Variants in PLCH1 observed in about 807,000 individuals in gnomAD.
PLCH1 encodes 1-phosphatidylinositol 4,5-bisphosphate phosphodiesterase eta-1.
A neutral mutation model predicts 126.7 loss-of-function variants in PLCH1; 60 were observed. That is an observed-to-expected ratio of 0.47 (90% CI 0.38 to 0.59). The LOEUF is 0.59. PLCH1 is among the 20% of genes least tolerant of loss of function. The probability of loss-of-function intolerance (pLI) is 0.00; values close to 1 mark genes in which losing one functional copy is unlikely to be tolerated. For missense variants in PLCH1, 1,723 were observed against 2,040.0 expected (o/e 0.84, Z 2.99); for synonymous variants, 719 against 734.9 (o/e 0.98, Z 0.35).
chr3:155,585,970 G>C, intron 5 of PLCH1, 95 bp downstream of exon 5: 1 of 1,034,316 alleles, frequency 9.7e-7, no homozygotes, highest in Non-Finnish European at 1.5e-6. Context: ...ACATATATTA[G>C]CTTCCAACAA....
At chr3:155,567,183 G>T (rs1444275195) in intron 7 of PLCH1, among the ~76,000 whole-genome samples, 1 of 151,974 alleles carries the variant, frequency 6.6e-6, no homozygotes, top group Non-Finnish European at 1.5e-5. Context: ...AGGGACTCTC[G>T]TGCCTCAGTT....
chr3:155,744,134 C>A (rs375734978), intron 1 of PLCH1, among the ~76,000 whole-genome samples: 23 of 152,230 alleles, frequency 1.5e-4, no homozygotes, highest in East Asian at 5.8e-4. Context: ...GAGGGCGTCG[C>A]AGACGCTCAA....
chr3:155,677,967 G>T (rs1005141629), intron 2 of PLCH1, among the ~76,000 whole-genome samples: 2 of 152,094 alleles, frequency 1.3e-5, no homozygotes, highest in Non-Finnish European at 2.9e-5. Context: ...TCGTTCCTTT[G>T]TCTGCCCAGA....
At chr3:155,678,242 G>A (rs1029177794) in intron 2 of PLCH1, among the ~76,000 whole-genome samples, 1 of 152,184 alleles carries the variant, frequency 6.6e-6, no homozygotes, top group Non-Finnish European at 1.5e-5. Context: ...GCTCCTCCCT[G>A]AAAAGGCTGA....
At chr3:155,611,338 C>T (rs146026361) in intron 2 of PLCH1, among the ~76,000 whole-genome samples, 403 of 151,914 alleles carry the variant, frequency 2.7e-3, no homozygotes, top group African/African-American at 9.2e-3. Context: ...TGCAGTGAGC[C>T]GAGATCAGGC....
Position 155,488,098 on chromosome 3 carries a change from T to G in PLCH1, c.2549A>C (p.His850Pro). 1 of 1,605,090 alleles carries G rather than the reference T, an allele frequency of 6.2e-7. No homozygotes were observed. The highest frequency in any genetic ancestry group is 8.5e-7 in the Non-Finnish European group (1 of 1,171,672). Residue 850 changes from histidine (H) to proline (P), a missense_variant, in exon 21 of 23, where the codon CAT (histidine) becomes CCT (proline). By Grantham distance (77) the His-to-Pro change is moderately conservative (BLOSUM62 -2). Transcript: ENST00000460012. ...TTCTGTCAGTCCTTCCAAATAGACA[T>G]GCCGGTAGCCTGATAAAAGGAAAGA... The part of the protein sequence containing the change: ...TFSSLVPGYR[H>P]VYLEGLTEAS...
intron 2 of PLCH1, among the ~76,000 whole-genome samples, chr3:155,642,569 T>C (rs1030497255): frequency 2.0e-5 from 3 of 152,198 alleles, no homozygotes; most frequent in Non-Finnish European, 4.4e-5. Flanking sequence ...CCAATGTGTA[T>C]GGGCATCATC....
intron 10 of PLCH1, among the ~76,000 whole-genome samples, chr3:155,537,201 C>CAAAAAAAAAAAAAAAAAAAAAAAAAAAAA (rs1560128167): frequency 2.3e-5 from 3 of 132,114 alleles, no homozygotes; most frequent in Admixed American, 7.8e-5. Context: ...AAAAAAAAAA[C>CAAAAAAAAAAAAAAAAAAAAAAAAAAAAA]CAAAAAAAAA....
chr3:155,544,433 C>T (rs1419588431), intron 10 of PLCH1, among the ~76,000 whole-genome samples: 22 of 152,160 alleles, frequency 1.4e-4, no homozygotes, highest in Middle Eastern at 3.2e-3. Flanking sequence ...CACACATTAA[C>T]ATTGGGAGAC....
chr3:155,565,892 T>C, intron 7 of PLCH1, among the ~76,000 whole-genome samples: 1 of 150,842 alleles, frequency 6.6e-6, no homozygotes. Context: ...GAGATGGGGT[T>C]TCACCATGTT....
chr3:155,566,144 T>C (rs1560175510), intron 7 of PLCH1, among the ~76,000 whole-genome samples: 2 of 133,608 alleles, frequency 1.5e-5, no homozygotes, highest in Non-Finnish European at 3.2e-5. Context: ...TATATATGTA[T>C]ATATACATAT....
chr3:155,516,174 G>A (rs1419189569), intron 11 of PLCH1, among the ~76,000 whole-genome samples: 1 of 152,156 alleles, frequency 6.6e-6, no homozygotes, highest in African/African-American at 2.4e-5. Context: ...ACATCAGAAG[G>A]GAACACCCTC....
intron 2 of PLCH1, among the ~76,000 whole-genome samples, chr3:155,639,135 G>C (rs1372737837): frequency 6.6e-6 from 1 of 152,160 alleles, no homozygotes; most frequent in Non-Finnish European, 1.5e-5. Flanking sequence ...TTGTTGGAAA[G>C]ATAGGTTCTT....
At chr3:155,657,197 A>G (rs938825028) in intron 2 of PLCH1, among the ~76,000 whole-genome samples, 1 of 152,218 alleles carries the variant, frequency 6.6e-6, no homozygotes, top group African/African-American at 2.4e-5. Flanking sequence ...TATGAACAAC[A>G]GTTTTCAAGG....
intron 21 of PLCH1, among the ~76,000 whole-genome samples, chr3:155,459,298 T>C (rs916768918): frequency 6.6e-6 from 1 of 152,118 alleles, no homozygotes; most frequent in African/African-American, 2.4e-5. Context: ...TGGGACCAGA[T>C]CATAAATGTA....
intron 2 of PLCH1, among the ~76,000 whole-genome samples, chr3:155,670,416 C>T (rs1179060412): frequency 6.6e-6 from 1 of 152,068 alleles, no homozygotes; most frequent in Non-Finnish European, 1.5e-5. Context: ...AGCAAGAGGT[C>T]ACTGGATTAG....
chr3:155,640,000 G>A (rs1372075443), intron 2 of PLCH1, among the ~76,000 whole-genome samples: 2 of 152,152 alleles, frequency 1.3e-5, no homozygotes, highest in East Asian at 1.9e-4. Flanking sequence ...AGCTTTCTGA[G>A]GCCTCCTCAG....
intron 6 of PLCH1, among the ~76,000 whole-genome samples, chr3:155,569,007 AG>A (rs1214756768): frequency 6.6e-6 from 1 of 152,194 alleles, no homozygotes; most frequent in African/African-American, 2.4e-5. Context: ...TGGAGTGATA[AG>A]GATTAAATGA....
At chr3:155,538,134 T>C (rs1723703135) in intron 10 of PLCH1, among the ~76,000 whole-genome samples, 1 of 152,168 alleles carries the variant, frequency 6.6e-6, no homozygotes, top group Admixed American at 6.5e-5. Flanking sequence ...TTAAATAATC[T>C]GCTCCTGAAT....
Sources: allele counts gnomAD v4.1 joint callset (sites outside exome capture counted in the v4.1 genomes callset), GRCh38; gene constraint gnomAD v4.1.1; transcripts MANE v1.5; gene names NCBI Gene and HGNC (gene_info 2026-07-23, HGNC 2026-07-21).